ANOS1: variants seen among roughly 807,000 people sequenced by gnomAD.
The protein encoded by ANOS1 is anosmin-1.
Under a neutral mutation model 59.0 loss-of-function variants are expected in ANOS1, and 6 were observed. That is an observed-to-expected ratio of 0.10 (90% CI 0.06 to 0.20). ANOS1 has a LOEUF of 0.20. ANOS1 is among the 10% of genes least tolerant of loss of function. ANOS1 has a pLI of 1.00. For synonymous variants in ANOS1, 217 were observed against 223.4 expected (o/e 0.97, Z 0.25); for missense variants, 433 against 542.3 (o/e 0.80, Z 2.00).
Position 8,535,657 on chromosome X carries a change from G to A in ANOS1, c.1776C>T (p.Val592=), listed in dbSNP as rs1256830824. ...MTGFQVTWAE[V]TTESRQNSLP... is the part of the protein sequence containing the mutation. Reference sequence around the variant, plus strand: ...GGCTGTTCTGTCTGCTTTCCGTAGTGACCTCAGCCCAAGTCACTTGAAACC... The same window carrying A: ...GGCTGTTCTGTCTGCTTTCCGTAGTAACCTCAGCCCAAGTCACTTGAAACC... Residue 592 remains valine (V), a synonymous_variant, in exon 12 of 14, where the codon GTC becomes GTT. Coordinates refer to ENST00000262648, the MANE Select transcript of ANOS1 (RefSeq NM_000216.4). 5.0e-6 allele frequency: 6 copies of A among 1,209,176 alleles called. No individual in the cohort carries two copies. Among genetic ancestry groups the A allele is most frequent in the Middle Eastern group, 2.3e-4 (1 of 4,364 alleles).
intron 2 of ANOS1, among the ~76,000 whole-genome samples, chrX:8,673,184 T>C (rs774763868): frequency 9.0e-6 from 1 of 110,686 alleles, no homozygotes; most frequent in Non-Finnish European, 1.9e-5. Context: ...TCACCATAAA[T>C]TTACCTTTTG....
At chrX:8,581,832 T>C (rs1023592392) in intron 6 of ANOS1, among the ~76,000 whole-genome samples, 2 of 112,368 alleles carry the variant, frequency 1.8e-5, no homozygotes, top group Non-Finnish European at 3.8e-5. Flanking sequence ...TTCTTATATT[T>C]ACTGTGTTGT....
intron 2 of ANOS1, among the ~76,000 whole-genome samples, chrX:8,646,575 A>T (rs188126134): frequency 5.4e-4 from 60 of 111,063 alleles, no homozygotes; most frequent in African/African-American, 1.8e-3. Flanking sequence ...TACAATTATA[A>T]GTAAAGGCTA....
At chrX:8,720,733 C>A (rs1183208320) in intron 1 of ANOS1, among the ~76,000 whole-genome samples, 1 of 110,470 alleles carries the variant, frequency 9.1e-6, no homozygotes, top group African/African-American at 3.3e-5. Context: ...AAGACCCCAT[C>A]TCTGGGGAAA....
At chrX:8,708,661 G>A (rs1246690096) in intron 1 of ANOS1, among the ~76,000 whole-genome samples, 1 of 111,840 alleles carries the variant, frequency 8.9e-6, no homozygotes, top group Admixed American at 9.5e-5. Flanking sequence ...TTACACTGTT[G>A]GTGGGAGTGT....
At chrX:8,646,294 C>T (rs1931753728) in intron 2 of ANOS1, among the ~76,000 whole-genome samples, 1 of 111,119 alleles carries the variant, frequency 9.0e-6, no homozygotes, top group Non-Finnish European at 1.9e-5. Flanking sequence ...TCTCCCATCT[C>T]AGCTTCCTGA....
intron 3 of ANOS1, among the ~76,000 whole-genome samples, chrX:8,605,844 G>C (rs1035621659): frequency 9.0e-6 from 1 of 111,038 alleles, no homozygotes; most frequent in Non-Finnish European, 1.9e-5. Flanking sequence ...AGGTAAAAAA[G>C]GCAAGCTGAT....
intron 10 of ANOS1, among the ~76,000 whole-genome samples, chrX:8,538,746 A>G (rs1929637109): frequency 8.9e-6 from 1 of 112,516 alleles, no homozygotes; most frequent in Non-Finnish European, 1.9e-5. Context: ...ATACAAGGAG[A>G]AACATTGCTG....
At chrX:8,713,346 C>T (rs1163310683) in intron 1 of ANOS1, among the ~76,000 whole-genome samples, 3 of 109,758 alleles carry the variant, frequency 2.7e-5, no homozygotes, top group Admixed American at 2.0e-4. Context: ...GAGAGAAGCC[C>T]GACAGCATGA....
intron 3 of ANOS1, 64 bp from the exon 4 acceptor site, chrX:8,597,320 C>T (rs749436811): frequency 8.3e-6 from 8 of 961,425 alleles, no homozygotes; most frequent in Non-Finnish European, 1.2e-5. Flanking sequence ...ATTTCCAAGA[C>T]ATCTGAAAGG....
At chrX:8,650,587 G>A (rs1029801524) in intron 2 of ANOS1, among the ~76,000 whole-genome samples, 1 of 111,826 alleles carries the variant, frequency 8.9e-6, no homozygotes, top group African/African-American at 3.3e-5. Context: ...GAATGGTGGC[G>A]GACGTCTGTA....
In ANOS1 at chrX:8,665,549, C is replaced by T. The variant is rs201812250; in HGVS notation, c.255+34149G>A. ...TCCCTCCAACTATTTCCATTCTTTA[C>T]GTATTTTGAATGGGTGTGTACTGCT... On this transcript the variant is annotated intron_variant, in intron 2 of 13. Coordinates refer to ENST00000262648, the MANE Select transcript of ANOS1 (RefSeq NM_000216.4). Among the ~76,000 whole-genome samples, 395 of 112,295 alleles carry T rather than the reference C, an allele frequency of 3.5e-3. 3 individuals carry two copies. The highest frequency in any genetic ancestry group is 0.012 in the African/African-American group (382 of 30,955).
chrX:8,541,456 A>AAC (rs1929689034), intron 9 of ANOS1, among the ~76,000 whole-genome samples: 1 of 106,683 alleles, frequency 9.4e-6, no homozygotes, highest in Non-Finnish European at 1.9e-5. Flanking sequence ...CAAAAAAAAA[A>AAC]CCAGAAGGTA....
intron 4 of ANOS1, among the ~76,000 whole-genome samples, chrX:8,595,682 TGAAAGACATAGAGAGA>T (rs1930721654): frequency 9.0e-6 from 1 of 111,711 alleles, no homozygotes; most frequent in Admixed American, 9.5e-5. Context: ...CATGTGTATG[TGAAAGACATAGAGAGA>T]GAAAGACATC....
At position 8,568,366 on chromosome X, in the gene ANOS1, G is replaced by T. The variant is rs754731969; in HGVS notation, c.1073C>A (p.Ser358Tyr). The T allele has an allele frequency of 2.5e-6, 3 of 1,209,594 alleles. No homozygotes were observed. The highest frequency in any genetic ancestry group is 5.9e-5 in the East Asian group (2 of 33,801). The change falls in exon 8 of 14, where the codon TCT becomes TAT. Residue 358 changes from serine to tyrosine, a missense_variant. By Grantham distance (144) the Ser-to-Tyr change is moderately radical. Coordinates refer to ENST00000262648, the MANE Select transcript of ANOS1 (RefSeq NM_000216.4). Reference protein sequence around the residue: ...RRKTTDGFQNSVILEKLQPDC... With the variant: ...RRKTTDGFQNYVILEKLQPDC... ...TGGCTGGAGTTTCTCCAGGATCACA[G>T]AATTTTGAAACTAGAAATTAAGAGA... is the stretch of plus-strand genomic sequence containing the variant.
At chrX:8,553,061 G>T (rs1297931762) in intron 9 of ANOS1, among the ~76,000 whole-genome samples, 1 of 110,197 alleles carries the variant, frequency 9.1e-6, no homozygotes, top group Non-Finnish European at 1.9e-5. Flanking sequence ...AGAGGAGTGA[G>T]GAGAATTTTA....
chrX:8,608,629 T>C (rs1228088736), intron 3 of ANOS1, among the ~76,000 whole-genome samples: 1 of 112,302 alleles, frequency 8.9e-6, no homozygotes, highest in Admixed American at 9.4e-5. Flanking sequence ...CTAACTGATA[T>C]GATTAGGCTT....
chrX:8,537,527 G>T (rs1245276912), intron 10 of ANOS1, among the ~76,000 whole-genome samples: 2 of 111,723 alleles, frequency 1.8e-5, no homozygotes, highest in African/African-American at 6.5e-5. Flanking sequence ...TGTGATAACA[G>T]GTGTGTATCT....
chrX:8,576,491 TACACACAC>T (rs769843705), intron 6 of ANOS1, among the ~76,000 whole-genome samples: 1 of 93,475 alleles, frequency 1.1e-5, no homozygotes, highest in African/African-American at 3.9e-5. Flanking sequence ...CACACACACA[TACACACAC>T]ACACACACAC....
Sources: allele counts gnomAD v4.1 joint callset (sites outside exome capture counted in the v4.1 genomes callset), GRCh38; gene constraint gnomAD v4.1.1; transcripts MANE v1.5; gene names NCBI Gene and HGNC (gene_info 2026-07-23, HGNC 2026-07-21).